The following PRICKLE2 variants were observed in gnomAD, a reference collection of about 807,000 sequenced individuals.
The protein encoded by PRICKLE2 is prickle-like protein 2.
A neutral mutation model predicts 81.4 loss-of-function variants in PRICKLE2; 21 were observed. The ratio of observed to expected loss-of-function variants is 0.26; its 90% confidence interval spans 0.18 to 0.37. The LOEUF (loss-of-function observed/expected upper bound fraction) is 0.37. PRICKLE2 is among the 10% of genes least tolerant of loss of function. The pLI is 1.00. For synonymous variants in PRICKLE2, 456 were observed against 421.5 expected, an observed-to-expected ratio of 1.08 and a Z score of -1.00; for missense variants, 940 against 1,109.0, an observed-to-expected ratio of 0.85 and a Z score of 2.16.
chr3:64,186,831 G>C (rs2078243117), intron 2 of PRICKLE2, among the ~76,000 whole-genome samples: 1 of 152,174 alleles, frequency 6.6e-6, no homozygotes, highest in African/African-American at 2.4e-5. Context: ...AATATCTCCT[G>C]CGTCATAAGG....
At chr3:64,155,432 G>C (rs1218015520) in intron 5 of PRICKLE2, among the ~76,000 whole-genome samples, 2 of 150,866 alleles carry the variant, frequency 1.3e-5, no homozygotes, top group Non-Finnish European at 2.9e-5. Context: ...CTCATTCATT[G>C]ATAGCAGGAA....
chr3:64,106,468 A>T (rs2076757394), intron 7 of PRICKLE2, among the ~76,000 whole-genome samples: 1 of 152,216 alleles, frequency 6.6e-6, no homozygotes, highest in Non-Finnish European at 1.5e-5. Flanking sequence ...GCAAACAAAT[A>T]TCATTGAATG....
intron 2 of PRICKLE2, among the ~76,000 whole-genome samples, chr3:64,170,902 C>CA (rs1173482607): frequency 2.0e-5 from 3 of 151,778 alleles, no homozygotes; most frequent in Non-Finnish European, 2.9e-5. Context: ...CAATACAAAA[C>CA]AAAAAAACTC....
intron 1 of PRICKLE2, among the ~76,000 whole-genome samples, chr3:64,215,275 A>C (rs755518661): frequency 1.3e-5 from 2 of 152,228 alleles, no homozygotes; most frequent in Middle Eastern, 3.4e-3. Flanking sequence ...TGAATTTGCC[A>C]AGGCTTTCCC....
Position 64,153,268 on chromosome 3 carries a change from T to C in PRICKLE2, c.701A>G (p.Tyr234Cys). ...ECETVLGGQRYIMKEGRPYCC... is the reference protein window; with the variant it reads ...ECETVLGGQRCIMKEGRPYCC... ...GTAGGGTCTTCCCTCCTTCATGATG[T>C]AGCGCTGGCCGCCCAGCACTGTCTC... The change falls in exon 6 of 8, where the codon TAC (tyrosine) becomes TGC (cysteine). Residue 234 changes from tyrosine (Y) to cysteine (C), a missense_variant. Tyr to Cys is a radical substitution (Grantham distance 194, BLOSUM62 -2). Transcript: ENST00000638394. 1 of 1,614,212 alleles carries C rather than the reference T, an allele frequency of 6.2e-7. No individual in the cohort carries two copies. Among genetic ancestry groups the C allele is most frequent in the Non-Finnish European group, 8.5e-7 (1 of 1,180,026 alleles).
intron 7 of PRICKLE2, among the ~76,000 whole-genome samples, chr3:64,125,053 T>C (rs1397156799): frequency 2.0e-5 from 3 of 151,976 alleles, no homozygotes; most frequent in African/African-American, 7.3e-5. Flanking sequence ...TGAGAGGAGG[T>C]TAAAATATAC....
rs2077006928 is a variant in PRICKLE2 at position 64,120,407 on chromosome 3, T to C, written c.1661-20482A>G. On this transcript the variant is annotated intron_variant, in intron 7 of 7. Transcript: ENST00000638394. ...GAAAGACAGCAGATGGACCTTCGTT[T>C]GGCAGATAAGGAACTGAAAACAGAA... Among the ~76,000 whole-genome samples, 5 of 152,140 alleles carry C rather than the reference T, an allele frequency of 3.3e-5. 1 individual carries two copies. The South Asian group carries it at 1.0e-3, about 32-fold the overall frequency.
At chr3:64,220,939 A>G (rs1457530352) in intron 1 of PRICKLE2, among the ~76,000 whole-genome samples, 1 of 152,188 alleles carries the variant, frequency 6.6e-6, no homozygotes, top group African/African-American at 2.4e-5. Context: ...GTACTTTTAG[A>G]AATGGTCCAT....
chr3:64,096,254 T>A lies in PRICKLE2; in HGVS notation c.*2797A>T, dbSNP rs35969433. The A allele has an allele frequency of 0.19, 28,383 of 152,208 alleles. 3,330 individuals are homozygous for A. Among genetic ancestry groups the A allele is most frequent in the Non-Finnish European group, 0.26 (17,365 of 68,016 alleles). 9.4% of individuals were successfully genotyped at this position (152,208 alleles called of 1,614,324 possible). On this transcript the variant is annotated 3_prime_UTR_variant, in exon 8 of 8. Transcript: ENST00000638394. Reference sequence around the variant, plus strand: ...CAGTCTCTTGAAGATGGAATTATGATCTAAGAGGAAGTGAGTACAGGCCCT... The same window carrying A: ...CAGTCTCTTGAAGATGGAATTATGAACTAAGAGGAAGTGAGTACAGGCCCT...
intron 1 of PRICKLE2, among the ~76,000 whole-genome samples, chr3:64,218,214 C>T (rs918140240): frequency 3.3e-5 from 5 of 152,218 alleles, no homozygotes; most frequent in African/African-American, 1.2e-4. Context: ...ACAGAGCAAA[C>T]ACCTGTGCTC....
chr3:64,141,571 G>A (rs1374543628), intron 7 of PRICKLE2, among the ~76,000 whole-genome samples: 1 of 152,254 alleles, frequency 6.6e-6, no homozygotes, highest in Admixed American at 6.5e-5. Context: ...GCTTCTGCAA[G>A]GCTTCTGCAT....
In PRICKLE2 at chr3:64,161,217, T is replaced by C. The variant is rs185407726; in HGVS notation, c.259-1140A>G. The stretch of plus-strand genomic sequence containing the variant: ...GAATACAATACAACTTAAAATATAG[T>C]AACTCTCTCAATATGTGGTTTCGTT... On this transcript the variant is annotated intron_variant, in intron 3 of 7. Coordinates refer to ENST00000638394, the MANE Select transcript of PRICKLE2 (RefSeq NM_198859.4). 2.0e-5 allele frequency among the ~76,000 whole-genome samples: 3 copies of C among 152,332 alleles called. No homozygotes were observed. In the East Asian group the frequency reaches 5.8e-4, roughly 29 times the overall value.
intron 6 of PRICKLE2, among the ~76,000 whole-genome samples, chr3:64,150,242 T>C (rs2077523598): frequency 6.6e-6 from 1 of 152,068 alleles, no homozygotes. Context: ...GTAAAGATGC[T>C]GACGGCCATC....
rs149723630 is a variant in PRICKLE2, at chr3:64,117,150, T to A, written c.1661-17225A>T. ...AAAAGGATTTTGATAAAATTCAACA[T>A]CTTCTCATGTAAAAAACTTTCAATA... On this transcript the variant is annotated intron_variant, in intron 7 of 7. Coordinates refer to ENST00000638394, the MANE Select transcript of PRICKLE2 (RefSeq NM_198859.4). Among the ~76,000 whole-genome samples, 59 of 152,268 alleles carry A rather than the reference T, an allele frequency of 3.9e-4. 1 individual carries two copies. The highest frequency in any genetic ancestry group is 1.4e-3 in the African/African-American group (58 of 41,566).
chr3:64,096,118 T>C lies in PRICKLE2; in HGVS notation c.*2933A>G, dbSNP rs554295488. On this transcript the variant is annotated 3_prime_UTR_variant, in exon 8 of 8. Transcript: ENST00000638394. Reference sequence around the variant, plus strand: ...ATAGGAAATGAACTCAACTCCGAAGTTGCAGTTCTAACCAAAAGACAAGAA... The same window carrying C: ...ATAGGAAATGAACTCAACTCCGAAGCTGCAGTTCTAACCAAAAGACAAGAA... 1 of 152,314 alleles carries C rather than the reference T, an allele frequency of 6.6e-6. No individual in the cohort carries two copies. Among genetic ancestry groups the C allele is most frequent in the African/African-American group, 2.4e-5 (1 of 41,564 alleles). 9.4% of individuals were successfully genotyped at this position (152,314 alleles called of 1,614,324 possible).
intron 1 of PRICKLE2, among the ~76,000 whole-genome samples, chr3:64,217,547 C>G (rs1361386066): frequency 6.6e-6 from 1 of 152,090 alleles, no homozygotes; most frequent in Non-Finnish European, 1.5e-5. Flanking sequence ...GGGTTTCATT[C>G]CAGCACACTT....
At chr3:64,104,307 A>G (rs2076719447) in intron 7 of PRICKLE2, among the ~76,000 whole-genome samples, 1 of 152,248 alleles carries the variant, frequency 6.6e-6, no homozygotes, top group Admixed American at 6.5e-5. Context: ...GAGTGGATGA[A>G]CTCTAGTAAG....
intron 2 of PRICKLE2, among the ~76,000 whole-genome samples, chr3:64,171,186 G>C (rs62249938): frequency 6.6e-6 from 1 of 152,046 alleles, no homozygotes; most frequent in Non-Finnish European, 1.5e-5. Context: ...CTTTGCTCAA[G>C]GGCCACCTTG....
At chr3:64,196,585 A>T (rs758446388) in intron 2 of PRICKLE2, among the ~76,000 whole-genome samples, 4 of 152,130 alleles carry the variant, frequency 2.6e-5, no homozygotes, top group Non-Finnish European at 5.9e-5. Flanking sequence ...TATAACCTCA[A>T]CTCACAGACT....
Sources: allele counts gnomAD v4.1 joint callset (sites outside exome capture counted in the v4.1 genomes callset), GRCh38; gene constraint gnomAD v4.1.1; transcripts MANE v1.5; gene names NCBI Gene and HGNC (gene_info 2026-07-23, HGNC 2026-07-21).